Variants in STYX observed in about 807,000 individuals in gnomAD.
The protein encoded by STYX is serine/threonine/tyrosine-interacting protein.
A neutral mutation model predicts 42.7 loss-of-function variants in STYX; 20 were observed. The ratio of observed to expected loss-of-function variants is 0.47; its 90% CI spans 0.33 to 0.68. The LOEUF (loss-of-function observed/expected upper bound fraction) is 0.68, where lower values mean the gene tolerates loss of function less well. STYX is among the 30% of genes least tolerant of loss of function. The probability of loss-of-function intolerance (pLI) is 0.02; values close to 1 mark genes in which losing one functional copy is unlikely to be tolerated. For missense variants in STYX, 226 were observed against 268.5 expected (o/e 0.84, Z 1.11); for synonymous variants, 78 against 81.9 (o/e 0.95, Z 0.26).
At chr14:52,732,172 A>G (rs1460507731) in intron 1 of STYX, among the ~76,000 whole-genome samples, 2 of 132,370 alleles carry the variant, frequency 1.5e-5, no homozygotes, top group Non-Finnish European at 3.1e-5. Context: ...GTCTCAGCCC[A>G]CCGCAGCCTC....
At position 52,746,498 on chromosome 14, in the gene STYX, T is replaced by G. The variant is rs199751456; in HGVS notation, c.144+19T>G. 6.5e-7 allele frequency: 1 copy of G among 1,548,944 alleles called. No individual in the cohort carries two copies. The highest frequency in any genetic ancestry group is 8.6e-7 in the Non-Finnish European group (1 of 1,158,374). On this transcript the variant is annotated intron_variant, in intron 3 of 10. Transcript: ENST00000354586. ...AAGCAAGGTATGAACTTTGTTAGAT[T>G]CATCAAGAGAGACTTTTATTAACCA...
chr14:52,749,071 G>A (rs1219596284), intron 3 of STYX, among the ~76,000 whole-genome samples: 3 of 152,194 alleles, frequency 2.0e-5, no homozygotes, highest in African/African-American at 7.2e-5. Flanking sequence ...AACAACAGAC[G>A]ATTATTTGAG....
rs139239246 is a variant in STYX, at chr14:52,755,845, A to G, written c.243-706A>G. On this transcript the variant is annotated intron_variant, in intron 4 of 10. Transcript: ENST00000354586. ...CTGTAGGTTCATGAGCAGGAGTCAC[A>G]GGACCACTTAGAGAACAATCTTCTG... 2.9e-3 allele frequency among the ~76,000 whole-genome samples: 445 copies of G among 152,242 alleles called. 4 individuals carry two copies. Among genetic ancestry groups the G allele is most frequent in the African/African-American group, 0.01 (418 of 41,550 alleles).
At chr14:52,739,740 C>T (rs1318088080) in intron 1 of STYX, among the ~76,000 whole-genome samples, 3 of 149,894 alleles carry the variant, frequency 2.0e-5, no homozygotes, top group Non-Finnish European at 4.4e-5. Context: ...CTCCCAAGCC[C>T]GAGTGATCTT....
At chr14:52,757,119 T>TAAA (rs1881903440) in intron 5 of STYX, among the ~76,000 whole-genome samples, 200 bp from the exon 6 acceptor site, 3 of 152,240 alleles carry the variant, frequency 2.0e-5, no homozygotes, top group African/African-American at 7.2e-5. Flanking sequence ...ATATTGTGAA[T>TAAA]GTATTGGACT....
At chr14:52,759,243 C>T (rs892089400) in intron 8 of STYX, among the ~76,000 whole-genome samples, 1 of 152,178 alleles carries the variant, frequency 6.6e-6, no homozygotes, top group Non-Finnish European at 1.5e-5. Flanking sequence ...CCACCTCAGC[C>T]TCTCAAGAAG....
In STYX at chr14:52,771,176, G is replaced by C; in HGVS notation, c.*70G>C. The stretch of plus-strand genomic sequence containing the variant: ...AGAAAATACAAGAGAAAATTATAAT[G>C]TAAAATGGTAAAAACATAAGTAGTT... On this transcript the variant is annotated 3_prime_UTR_variant, in exon 11 of 11. Coordinates refer to ENST00000354586, the MANE Select transcript of STYX (RefSeq NM_145251.4). 1 of 1,384,868 alleles carries C rather than the reference G, an allele frequency of 7.2e-7. No individual in the cohort carries two copies. The highest frequency in any genetic ancestry group is 1.5e-5 in the African/African-American group (1 of 68,312). The allele number at this position is 1,384,868 out of a possible 1,614,324, so 85.8% of individuals were successfully genotyped here.
intron 4 of STYX, among the ~76,000 whole-genome samples, chr14:52,752,257 G>A (rs572991344): frequency 4.8e-4 from 72 of 151,534 alleles, no homozygotes; most frequent in African/African-American, 1.7e-3. Context: ...TCACGAGGTC[G>A]AGATTGAGAC....
intron 1 of STYX, among the ~76,000 whole-genome samples, chr14:52,733,910 C>G (rs1880835521): frequency 6.6e-6 from 1 of 152,154 alleles, no homozygotes; most frequent in South Asian, 2.1e-4. Flanking sequence ...TCCCCCCCGA[C>G]CCCCGCTGCT....
intron 9 of STYX, among the ~76,000 whole-genome samples, chr14:52,760,318 TTTG>T (rs1882040705): frequency 6.6e-6 from 1 of 152,244 alleles, no homozygotes. Context: ...CTGATTTTTT[TTTG>T]TTGTTCATTT....
At chr14:52,758,051 G>C in intron 8 of STYX, 127 bp downstream of exon 8, 1 of 1,015,338 alleles carries the variant, frequency 9.8e-7, no homozygotes, top group Admixed American at 2.5e-5. Flanking sequence ...GTTTGATTAG[G>C]CAGGCCCTTA....
At chr14:52,748,759 T>G (rs1365470309) in intron 3 of STYX, among the ~76,000 whole-genome samples, 2 of 152,226 alleles carry the variant, frequency 1.3e-5, no homozygotes, top group African/African-American at 2.4e-5. Context: ...GTCTTGTGCT[T>G]TCTCACATTC....
Position 52,750,727 on chromosome 14 carries a change from A to C in STYX, c.189A>C (p.Ile63=). 2 of 1,595,748 alleles carry C rather than the reference A, an allele frequency of 1.3e-6. No individual in the cohort carries two copies. Among genetic ancestry groups the C allele is most frequent in the Non-Finnish European group, 1.7e-6 (2 of 1,173,148 alleles). Residue 63 remains isoleucine (I), a synonymous_variant, in exon 4 of 11, where the codon ATA becomes ATC. Coordinates refer to ENST00000354586, the MANE Select transcript of STYX (RefSeq NM_145251.4). The part of the protein sequence containing the change: ...QKHGITHIIC[I]RQNIEANFIK... ...ATGGAATAACCCATATAATATGCAT[A>C]CGACAAAATATTGAAGCAAACTTTA...
rs1183097577 is a variant in STYX, at chr14:52,730,207, A to AGG, written c.-265_-264dup. ...CCTGTGCTGGATCCTGGGCGGCCTG[A>AGG]GGGGTACGGAGACTCTGGGGGAGGG... On this transcript the variant is annotated 5_prime_UTR_variant, in exon 1 of 11. Coordinates refer to ENST00000354586, the MANE Select transcript of STYX (RefSeq NM_145251.4). 1 of 507,508 alleles carries AGG rather than the reference A, an allele frequency of 2.0e-6. No homozygotes were observed. Among genetic ancestry groups the AGG allele is most frequent in the East Asian group, 3.3e-5 (1 of 30,026 alleles). 31.4% of individuals were successfully genotyped at this position (507,508 alleles called of 1,614,324 possible).
At chr14:52,739,053 A>T (rs1279165240) in intron 1 of STYX, among the ~76,000 whole-genome samples, 1 of 147,466 alleles carries the variant, frequency 6.8e-6, no homozygotes, top group Non-Finnish European at 1.5e-5. Context: ...TTCTCCGTTT[A>T]GTTTATTTCA....
Position 52,771,149 on chromosome 14 carries a change from G to A in STYX, c.*43G>A. The A allele has an allele frequency of 6.5e-7, 1 of 1,526,798 alleles. No homozygotes were observed. Among genetic ancestry groups the A allele is most frequent in the African/African-American group, 1.4e-5 (1 of 72,406 alleles). 94.6% of individuals were successfully genotyped at this position (1,526,798 alleles called of 1,614,324 possible). ...TAGAGTGTGAATTTCTATTTGGGAA[G>A]GAGAAAATACAAGAGAAAATTATAA... On this transcript the variant is annotated 3_prime_UTR_variant, in exon 11 of 11. Coordinates refer to ENST00000354586, the MANE Select transcript of STYX (RefSeq NM_145251.4).
Position 52,746,420 on chromosome 14 carries a change from T to C in STYX, c.91-6T>C. 1 of 1,560,128 alleles carries C rather than the reference T, an allele frequency of 6.4e-7. No individual in the cohort carries two copies. On this transcript the variant is annotated splice_polypyrimidine_tract_variant and splice_region_variant and intron_variant, in intron 2 of 10. Transcript: ENST00000354586. ...TGGTAAATACCTCAAATTTTTTTTT[T>C]TCTAGGAAATTTTACCTGGATTGTT...
chr14:52,763,593 A>G (rs1882185076), intron 9 of STYX, among the ~76,000 whole-genome samples: 1 of 151,960 alleles, frequency 6.6e-6, no homozygotes, highest in South Asian at 2.1e-4. Context: ...TTTTTTATCT[A>G]ATATGTGTTG....
At chr14:52,742,664 A>G (rs1881237378) in intron 1 of STYX, among the ~76,000 whole-genome samples, 1 of 152,242 alleles carries the variant, frequency 6.6e-6, no homozygotes, top group Admixed American at 6.5e-5. Context: ...CTAGCTAAAT[A>G]AAGCAGAAAT....
Sources: gnomAD v4.1 joint callset for allele counts (sites outside exome capture counted in the v4.1 genomes callset) on GRCh38, gnomAD v4.1.1 for gene constraint, MANE v1.5 for transcripts, NCBI Gene and HGNC (gene_info 2026-07-23, HGNC 2026-07-21) for gene names.